The following ADCY9 variants were observed in gnomAD, a reference collection of about 807,000 sequenced individuals.
ADCY9 encodes adenylate cyclase 9, also known as adenylate cyclase type 9.
ADCY9 carries 50 observed loss-of-function variants against 101.5 expected under a neutral mutation model. That is an observed-to-expected ratio of 0.49 (90% confidence interval 0.39 to 0.62). The LOEUF (loss-of-function observed/expected upper bound fraction) is 0.62. Among genes scored for constraint, ADCY9 ranks in the 20% least tolerant of loss-of-function variants. The probability of loss-of-function intolerance (pLI) is 0.00; values close to 1 mark genes in which losing one functional copy is unlikely to be tolerated. For missense variants in ADCY9, 1,662 were observed against 1,800.4 expected (o/e 0.92, Z 1.39); for synonymous variants, 905 against 769.3 (o/e 1.18, Z -2.92).
Position 4,114,019 on chromosome 16 carries a change from T to C in ADCY9, c.1424A>G (p.Gln475Arg). ...CATCTCCTTCTTCTCCTGGCAGAAC[T>C]GCTCGATGGCCTTGATCATGCCCAG... ...MGLGMIKAIE[Q>R]FCQEKKEMVN... The change falls in exon 2 of 11, where the codon CAG (glutamine) becomes CGG (arginine). Residue 475 changes from glutamine (Q) to arginine (R), a missense_variant. Gln to Arg is a conservative substitution (Grantham distance 43). Coordinates refer to ENST00000294016, the MANE Select transcript of ADCY9 (RefSeq NM_001116.4). This position sits in a 1 kb window ranked among gnomAD's most constrained non-coding sequence, Gnocchi z 4.3. 1 of 1,613,882 alleles carries C rather than the reference T, an allele frequency of 6.2e-7. No homozygotes were observed. Among genetic ancestry groups the C allele is most frequent in the Non-Finnish European group, 8.5e-7 (1 of 1,180,036 alleles).
At chr16:4,102,609 G>C (rs1239149458) in intron 2 of ADCY9, among the ~76,000 whole-genome samples, 1 of 152,054 alleles carries the variant, frequency 6.6e-6, no homozygotes, top group Non-Finnish European at 1.5e-5. Flanking sequence ...GTTTTTAGTA[G>C]AGACGGGGTT....
rs567598977 is a variant in ADCY9 at position 4,069,689 on chromosome 16, G to A, written c.1693+44061C>T. Among the ~76,000 whole-genome samples, 24 of 152,114 alleles carry A rather than the reference G, an allele frequency of 1.6e-4. 1 individual carries two copies. The South Asian group carries it at 4.6e-3, about 29-fold the overall frequency. On this transcript the variant is annotated intron_variant, in intron 2 of 10. Coordinates refer to ENST00000294016, the MANE Select transcript of ADCY9 (RefSeq NM_001116.4). ...TATCTACAGGACCATCTTCTAAGGC[G>A]ACTCTCCCAGGATTCGGACAGTGTT...
At chr16:3,993,226 G>T in intron 4 of ADCY9, 180 bp downstream of exon 4, 1 of 1,138,712 alleles carries the variant, frequency 8.8e-7, no homozygotes, top group Non-Finnish European at 1.2e-6. Context: ...GTGGGTTGCT[G>T]CTGACCCTCC....
chr16:4,115,026 T>G lies in ADCY9; in HGVS notation c.417A>C (p.Arg139Ser), dbSNP rs750860680. The G allele has an allele frequency of 1.2e-6, 2 of 1,614,086 alleles. No individual in the cohort carries two copies. Among genetic ancestry groups the G allele is most frequent in the South Asian group, 2.2e-5 (2 of 91,088 alleles). Residue 139 changes from arginine (R) to serine (S), a missense_variant, in exon 2 of 11, where the codon AGA becomes AGC. This residue lies in a region of ADCY9 where 422 missense variants were observed against 392.0 expected (regional missense o/e 1.08). Transcript: ENST00000294016. This position sits in a 1 kb window ranked among gnomAD's most constrained non-coding sequence, Gnocchi z 6.2. The part of the protein sequence containing the change: ...LWSIYFAVHM[R>S]SRLIVMVAPA... ...GGGCGACCATGACGATCAGTCTGGA[T>G]CTCATGTGGACCGCAAAATAGATGC...
intron 2 of ADCY9, among the ~76,000 whole-genome samples, chr16:4,010,979 T>A (rs2283494): frequency 6.6e-6 from 1 of 151,936 alleles, no homozygotes; most frequent in Non-Finnish European, 1.5e-5. Context: ...GCCTTGATCT[T>A]GGACTTCCCA....
chr16:4,106,636 T>A (rs2057079181), intron 2 of ADCY9, among the ~76,000 whole-genome samples: 1 of 152,176 alleles, frequency 6.6e-6, no homozygotes, highest in Non-Finnish European at 1.5e-5. Flanking sequence ...GGTGAATGAT[T>A]ACACTCTTAC....
intron 2 of ADCY9, among the ~76,000 whole-genome samples, chr16:4,039,535 C>T (rs1313025995): frequency 6.6e-6 from 1 of 151,640 alleles, no homozygotes; most frequent in East Asian, 1.9e-4. Context: ...AAAAATTAGC[C>T]AGGCACGGTG....
intron 2 of ADCY9, among the ~76,000 whole-genome samples, chr16:4,064,148 A>C (rs1361285916): frequency 6.6e-6 from 1 of 152,276 alleles, no homozygotes; most frequent in Non-Finnish European, 1.5e-5. Context: ...AGCAATGAAC[A>C]ATCCAAAAAC....
At chr16:3,995,320 T>C (rs1341402815) in intron 3 of ADCY9, among the ~76,000 whole-genome samples, 1 of 152,008 alleles carries the variant, frequency 6.6e-6, no homozygotes, top group Non-Finnish European at 1.5e-5. Context: ...CCCAGCTACT[T>C]GTGGGGCTGA....
At chr16:3,982,184 G>A (rs2056149432) in intron 7 of ADCY9, 1 of 152,448 alleles carries the variant, frequency 6.6e-6, no homozygotes, top group African/African-American at 2.4e-5. Flanking sequence ...GAAGCTGAAA[G>A]GGTCCTGGGT....
intron 2 of ADCY9, among the ~76,000 whole-genome samples, chr16:4,084,588 A>T (rs1376710019): frequency 6.6e-6 from 1 of 152,024 alleles, no homozygotes; most frequent in Non-Finnish European, 1.5e-5. Flanking sequence ...TTTAAAAATT[A>T]GGTGGTGCAC....
At position 3,992,206 on chromosome 16, in the gene ADCY9, C is replaced by T; in HGVS notation, c.2147G>A (p.Arg716Lys). ...CGTTTTCTCCCGGATGTTCTTGAACCTCAGCGGAAGGAGAGCCGACTGGTC... is the reference window on the plus strand; with the variant it reads ...CGTTTTCTCCCGGATGTTCTTGAACTTCAGCGGAAGGAGAGCCGACTGGTC... ...SLDQSALLPL[R>K]FKNIREKTDA... Residue 716 changes from arginine to lysine, a missense_variant, in exon 5 of 11, where the codon AGG becomes AAG. By Grantham distance (26) the Arg-to-Lys change is conservative. Transcript: ENST00000294016. The surrounding 1 kb of genome is among the most constrained non-coding windows in gnomAD (Gnocchi z 4.2). 6.2e-7 allele frequency: 1 copy of T among 1,614,206 alleles called. No homozygotes were observed. Among genetic ancestry groups the T allele is most frequent in the Non-Finnish European group, 8.5e-7 (1 of 1,180,046 alleles).
intron 2 of ADCY9, among the ~76,000 whole-genome samples, chr16:4,042,064 C>T (rs1020260391): frequency 1.5e-4 from 23 of 151,802 alleles, no homozygotes; most frequent in African/African-American, 5.6e-4. Flanking sequence ...GCTGGGACTA[C>T]AGGCGTCCGC....
chr16:4,045,233 T>C (rs79032598), intron 2 of ADCY9, among the ~76,000 whole-genome samples: 8,120 of 151,918 alleles, frequency 0.053, 769 homozygotes, highest in African/African-American at 0.19. Flanking sequence ...GAGATGAAAA[T>C]AAAGTGACTG....
chr16:4,056,845 G>A lies in ADCY9; in HGVS notation c.1694-49287C>T, dbSNP rs979682864. 1.4e-4 allele frequency among the ~76,000 whole-genome samples: 21 copies of A among 152,168 alleles called. 1 individual carries two copies. The highest frequency in any genetic ancestry group is 6.2e-4 in the South Asian group (3 of 4,818). On this transcript the variant is annotated intron_variant, in intron 2 of 10. Coordinates refer to ENST00000294016, the MANE Select transcript of ADCY9 (RefSeq NM_001116.4). ...TTTTATTATCTCTGGTTGACAAGGC[G>A]GCCACACCCAGGTTGCCTGTTCTGA...
intron 2 of ADCY9, among the ~76,000 whole-genome samples, chr16:4,045,070 C>G (rs2056653654): frequency 6.6e-6 from 1 of 152,146 alleles, no homozygotes; most frequent in Non-Finnish European, 1.5e-5. Context: ...GGATAAATCA[C>G]AAAAGCATTA....
chr16:3,985,258 G>C (rs2056181865), intron 6 of ADCY9, among the ~76,000 whole-genome samples: 1 of 149,358 alleles, frequency 6.7e-6, no homozygotes. Context: ...TCCTGCCTCA[G>C]CCTCTGGAGT....
downstream of ADCY9, among the ~76,000 whole-genome samples, chr16:3,957,710 C>A (rs2055915123): frequency 6.6e-6 from 1 of 151,552 alleles, no homozygotes; most frequent in Non-Finnish European, 1.5e-5. Flanking sequence ...GATGGGGGTC[C>A]TGGGAGGGCA....
At chr16:4,094,864 G>A (rs2056993394) in intron 2 of ADCY9, among the ~76,000 whole-genome samples, 2 of 152,010 alleles carry the variant, frequency 1.3e-5, no homozygotes, top group Non-Finnish European at 2.9e-5. Context: ...AAAGAAAATG[G>A]AAATGACAGG....
Sources: gnomAD v4.1 joint callset for allele counts (sites outside exome capture counted in the v4.1 genomes callset) on GRCh38, gnomAD v4.1.1 for gene constraint, gnomAD v4.1.1 regional missense constraint, Gnocchi (gnomAD v3.1) non-coding constraint, MANE v1.5 for transcripts, NCBI Gene and HGNC (gene_info 2026-07-23, HGNC 2026-07-21) for gene names.